The following CDKAL1 variants were observed in gnomAD, a reference collection of about 807,000 sequenced individuals.
The protein encoded by CDKAL1 is CDKAL1 threonylcarbamoyladenosine tRNA methylthiotransferase, also known as threonylcarbamoyladenosine tRNA methylthiotransferase.
A neutral mutation model predicts 68.2 loss-of-function variants in CDKAL1; 32 were observed. The ratio of observed to expected loss-of-function variants is 0.47; its 90% confidence interval spans 0.35 to 0.63. The LOEUF (loss-of-function observed/expected upper bound fraction) is 0.63. Ranked by LOEUF, CDKAL1 falls within the 30% of genes least tolerant of loss-of-function variation. The probability of loss-of-function intolerance (pLI) is 0.00; values close to 1 mark genes in which losing one functional copy is unlikely to be tolerated. For missense variants in CDKAL1, 606 were observed against 696.7 expected, an observed-to-expected ratio of 0.87 and a Z score of 1.47; for synonymous variants, 234 against 244.3, an observed-to-expected ratio of 0.96 and a Z score of 0.39.
At chr6:20,876,763 A>G (rs1760539602) in intron 9 of CDKAL1, among the ~76,000 whole-genome samples, 1 of 152,172 alleles carries the variant, frequency 6.6e-6, no homozygotes. Context: ...TGGTGAGGAT[A>G]GTTTTCTTTT....
intron 5 of CDKAL1, among the ~76,000 whole-genome samples, chr6:20,659,240 T>C (rs1011036615): frequency 1.3e-5 from 2 of 152,234 alleles, no homozygotes; most frequent in Non-Finnish European, 2.9e-5. Context: ...TGCAAGTTAT[T>C]TGAGTTATAC....
intron 12 of CDKAL1, among the ~76,000 whole-genome samples, chr6:21,083,993 G>T (rs1434259892): frequency 6.6e-6 from 1 of 152,138 alleles, no homozygotes; most frequent in Non-Finnish European, 1.5e-5. Context: ...TGATCACTTG[G>T]TTCAGGTGTT....
intron 13 of CDKAL1, among the ~76,000 whole-genome samples, chr6:21,125,259 C>T (rs1174766802): frequency 6.6e-6 from 1 of 152,182 alleles, no homozygotes; most frequent in Non-Finnish European, 1.5e-5. Context: ...GTAGTTCCTC[C>T]TGCATTCATT....
intron 4 of CDKAL1, among the ~76,000 whole-genome samples, chr6:20,580,060 C>T (rs1306150867): frequency 2.0e-5 from 3 of 152,090 alleles, no homozygotes; most frequent in Non-Finnish European, 4.4e-5. Flanking sequence ...GCTAGTTGGT[C>T]GTAGACCCTG....
chr6:21,060,645 TATAA>T (rs1771096790), intron 11 of CDKAL1, among the ~76,000 whole-genome samples: 1 of 152,162 alleles, frequency 6.6e-6, no homozygotes, highest in Admixed American at 6.5e-5. Flanking sequence ...AATTAAAATC[TATAA>T]ATTTTTCTCT....
intron 6 of CDKAL1, among the ~76,000 whole-genome samples, chr6:20,744,433 T>C (rs1216670594): frequency 6.6e-6 from 1 of 152,202 alleles, no homozygotes; most frequent in Non-Finnish European, 1.5e-5. Flanking sequence ...CACAGTACTA[T>C]GCAAGTGCTG....
intron 10 of CDKAL1, among the ~76,000 whole-genome samples, chr6:20,958,950 A>C (rs1447318262): frequency 2.0e-5 from 3 of 152,246 alleles, no homozygotes; most frequent in East Asian, 3.8e-4. Flanking sequence ...AAAGCACCAA[A>C]GTTTTTATCA....
intron 15 of CDKAL1, among the ~76,000 whole-genome samples, chr6:21,218,566 A>T (rs1213034771): frequency 6.6e-6 from 1 of 152,170 alleles, no homozygotes; most frequent in Non-Finnish European, 1.5e-5. Flanking sequence ...GCTCACTTTT[A>T]TGGTGATGGC....
intron 7 of CDKAL1, among the ~76,000 whole-genome samples, chr6:20,763,944 C>G (rs1774583228): frequency 6.6e-6 from 1 of 152,066 alleles, no homozygotes; most frequent in African/African-American, 2.4e-5. Flanking sequence ...TCCTGTATCA[C>G]TTTGATAATT....
intron 4 of CDKAL1, chr6:20,599,428 C>T (rs1765987205): frequency 2.3e-6 from 1 of 441,138 alleles, no homozygotes; most frequent in South Asian, 1.6e-5. Context: ...CTGGAGAAGA[C>T]CTACTCTTTC....
chr6:20,716,598 G>A (rs1772106977), intron 5 of CDKAL1, among the ~76,000 whole-genome samples: 2 of 151,948 alleles, frequency 1.3e-5, no homozygotes, highest in Non-Finnish European at 2.9e-5. Context: ...TTGGGTCTGG[G>A]TTGAGTACTG....
chr6:20,540,364 C>T (rs1284138192), intron 2 of CDKAL1, among the ~76,000 whole-genome samples: 5 of 151,724 alleles, frequency 3.3e-5, no homozygotes, highest in Non-Finnish European at 7.4e-5. Context: ...TGAGCCACTG[C>T]GCCCAGCCAG....
At chr6:20,981,596 C>G (rs1766150882) in intron 10 of CDKAL1, among the ~76,000 whole-genome samples, 1 of 152,210 alleles carries the variant, frequency 6.6e-6, no homozygotes, top group Non-Finnish European at 1.5e-5. Flanking sequence ...AATCCCAGCA[C>G]TTTGGGAGGC....
At chr6:21,117,843 C>A (rs1215310535) in intron 13 of CDKAL1, among the ~76,000 whole-genome samples, 1 of 152,182 alleles carries the variant, frequency 6.6e-6, no homozygotes, top group African/African-American at 2.4e-5. Context: ...GAGGAAGCTT[C>A]TTCCTATTCC....
At chr6:20,628,281 G>GT (rs1489501763) in intron 4 of CDKAL1, among the ~76,000 whole-genome samples, 1 of 151,948 alleles carries the variant, frequency 6.6e-6, no homozygotes, top group Non-Finnish European at 1.5e-5. Context: ...TCTAGTTCTA[G>GT]TTTTTTTGAG....
rs139875873 is a variant in CDKAL1 at position 20,871,268 on chromosome 6, A to G, written c.742+25090A>G. Among the ~76,000 whole-genome samples the G allele has an allele frequency of 1.2e-3, 183 of 152,326 alleles. 1 individual carries two copies. Among genetic ancestry groups the G allele is most frequent in the Non-Finnish European group, 1.9e-3 (129 of 68,010 alleles). ...GTGCTTCTTTATCAATAAGCTGAAT[A>G]AGATGCAGCTGTGTGTCTAATAATT... On this transcript the variant is annotated intron_variant, in intron 9 of 15. Coordinates refer to ENST00000274695, the MANE Select transcript of CDKAL1 (RefSeq NM_017774.3).
At chr6:21,228,561 A>G (rs992670982) in intron 15 of CDKAL1, among the ~76,000 whole-genome samples, 3 of 152,208 alleles carry the variant, frequency 2.0e-5, no homozygotes, top group Admixed American at 6.5e-5. Context: ...ATAGATGAGA[A>G]TGTTCTTGAT....
rs1409617847 is a variant in CDKAL1, at chr6:21,231,160, T to C, written c.*121T>C. On this transcript the variant is annotated 3_prime_UTR_variant, in exon 16 of 16. Coordinates refer to ENST00000274695, the MANE Select transcript of CDKAL1 (RefSeq NM_017774.3). ...AATTTGTACTGGTCATGCTGCCTCC[T>C]TCTCAGCCACTCTTCTTAATGAGGC... The C allele has an allele frequency of 4.4e-6, 3 of 686,354 alleles. No individual in the cohort carries two copies. Among genetic ancestry groups the C allele is most frequent in the Non-Finnish European group, 6.8e-6 (3 of 438,558 alleles). 42.5% of individuals were successfully genotyped at this position (686,354 alleles called of 1,614,324 possible). A position where few individuals can be genotyped will look rare whatever the true frequency, so the allele number is the denominator to read the frequency against.
chr6:20,576,109 A>C (rs554694962), intron 4 of CDKAL1, among the ~76,000 whole-genome samples: 14 of 152,218 alleles, frequency 9.2e-5, no homozygotes, highest in Non-Finnish European at 1.9e-4. Context: ...AGGATGGAAA[A>C]ATGAACATTC....
Sources: gnomAD v4.1 joint callset for allele counts (sites outside exome capture counted in the v4.1 genomes callset) on GRCh38, gnomAD v4.1.1 for gene constraint, MANE v1.5 for transcripts, NCBI Gene and HGNC (gene_info 2026-07-23, HGNC 2026-07-21) for gene names.